Variants in THTPA observed in about 807,000 individuals in gnomAD.
THTPA encodes the protein thiamine-triphosphatase.
Under a neutral mutation model 16.5 loss-of-function variants are expected in THTPA, and 16 were observed. That is an observed-to-expected ratio of 0.97 (90% CI 0.66 to 1.47). THTPA has a LOEUF of 1.47. THTPA is among the 40% of genes most tolerant of loss of function. THTPA has a pLI of 0.00. For synonymous variants in THTPA, 110 were observed against 115.5 expected, an observed-to-expected ratio of 0.95 and a Z score of 0.30; for missense variants, 281 against 280.9, an observed-to-expected ratio of 1.00 and a Z score of 0.00.
At chr14:23,523,742 C>A in the THTPA span, 1 of 1,536,208 alleles carries the variant, frequency 6.5e-7, no homozygotes, top group Non-Finnish European at 8.7e-7. The surrounding 1 kb of genome is among the most constrained non-coding windows in gnomAD (Gnocchi z 4.1). Context: ...GGTCCTGTAG[C>A]GCCGCTGCCC....
At position 23,556,675 on chromosome 14, in the gene THTPA, T is replaced by G. The variant is rs1300084427; in HGVS notation, c.-83T>G. On this transcript the variant is annotated 5_prime_UTR_variant, in exon 1 of 2. Transcript: ENST00000288014. The stretch of plus-strand genomic sequence containing the variant: ...GTTTTTCCAGGGAGGGGTTCTGTAC[T>G]GAGTTGACGCCCCAGGAGCTGAGCA... The G allele has an allele frequency of 2.7e-6, 4 of 1,464,042 alleles. No individual in the cohort carries two copies. The African/African-American group carries it at 4.2e-5, about 15-fold the overall frequency. 90.7% of individuals were successfully genotyped at this position (1,464,042 alleles called of 1,614,324 possible).
At chr14:23,550,696 C>T in the THTPA span, among the ~76,000 whole-genome samples, 4 of 152,174 alleles carry the variant, frequency 2.6e-5, no homozygotes, top group South Asian at 8.3e-4. Context: ...GATGGGCGTG[C>T]AGGACAGACA....
In THTPA at chr14:23,559,646, G is replaced by T; in HGVS notation, c.*806G>T. 1 of 1,056,700 alleles carries T rather than the reference G, an allele frequency of 9.5e-7. No homozygotes were observed. Among genetic ancestry groups the T allele is most frequent in the Non-Finnish European group, 1.4e-6 (1 of 698,768 alleles). The allele number at this position is 1,056,700 out of a possible 1,614,324, so 65.5% of individuals were successfully genotyped here. A position where few individuals can be genotyped will look rare whatever the true frequency, so the allele number is the denominator to read the frequency against. On this transcript the variant is annotated 3_prime_UTR_variant, in exon 2 of 2. Coordinates refer to ENST00000288014, the MANE Select transcript of THTPA (RefSeq NM_024328.6). ...TGGTCCCCAGTTTTTGCAGTGCAAAGCCAGAGCGCCACCTGCTGGTAGCCC... is the reference window on the plus strand; with the variant it reads ...TGGTCCCCAGTTTTTGCAGTGCAAATCCAGAGCGCCACCTGCTGGTAGCCC...
At chr14:23,533,536 A>T in the THTPA span, 1 of 1,536,122 alleles carries the variant, frequency 6.5e-7, no homozygotes, top group Non-Finnish European at 8.7e-7. This position sits in a 1 kb window ranked among gnomAD's most constrained non-coding sequence, Gnocchi z 4.8. Flanking sequence ...CAGCATTAGG[A>T]CATTCTGCAT....
At chr14:23,533,626 G>A in the THTPA span, 3 of 1,536,912 alleles carry the variant, frequency 2.0e-6, no homozygotes, top group Non-Finnish European at 2.6e-6. This position sits in a 1 kb window ranked among gnomAD's most constrained non-coding sequence, Gnocchi z 4.8. Flanking sequence ...CTGCCAGGAT[G>A]ATTTGGTCTT....
chr14:23,540,046 G>A, the THTPA span, among the ~76,000 whole-genome samples: 1 of 152,202 alleles, frequency 6.6e-6, no homozygotes, highest in Non-Finnish European at 1.5e-5. Flanking sequence ...GGAGTGCAGT[G>A]TCACCATCTT....
the THTPA span, chr14:23,535,487 A>C: frequency 1.2e-6 from 1 of 818,386 alleles, no homozygotes; most frequent in South Asian, 5.1e-5. This position sits in a 1 kb window ranked among gnomAD's most constrained non-coding sequence, Gnocchi z 4.5. Context: ...AGACTCAGAC[A>C]CCACTTTGCT....
At chr14:23,523,724 C>T in the THTPA span, 3 of 1,536,396 alleles carry the variant, frequency 2.0e-6, no homozygotes, top group Admixed American at 3.9e-5. This position sits in a 1 kb window ranked among gnomAD's most constrained non-coding sequence, Gnocchi z 4.1. Context: ...CTGCAGGCTG[C>T]TCATCTGGGT....
chr14:23,555,133 A>C (rs1169955121), upstream of THTPA, among the ~76,000 whole-genome samples: 2 of 152,070 alleles, frequency 1.3e-5, no homozygotes, highest in Non-Finnish European at 1.5e-5. Flanking sequence ...GAACACAAGC[A>C]CGCGCCACCA....
At chr14:23,555,534 T>G (rs1403285630), upstream of THTPA, among the ~76,000 whole-genome samples, 1 of 152,174 alleles carries the variant, frequency 6.6e-6, no homozygotes, top group Non-Finnish European at 1.5e-5. Context: ...ATATCTTTAG[T>G]TCCTGGCCAA....
At position 23,556,734 on chromosome 14, in the gene THTPA, T is replaced by G; in HGVS notation, c.-24T>G. ...TGCATCCTTGGGAACTCAGCAAACG[T>G]TTGTTCAGCCAATTGCAGGTAGCAT... On this transcript the variant is annotated 5_prime_UTR_variant, in exon 1 of 2. Coordinates refer to ENST00000288014, the MANE Select transcript of THTPA (RefSeq NM_024328.6). 6.2e-7 allele frequency: 1 copy of G among 1,603,150 alleles called. No homozygotes were observed. Among genetic ancestry groups the G allele is most frequent in the Non-Finnish European group, 8.5e-7 (1 of 1,174,592 alleles).
chr14:23,533,155 G>A, the THTPA span: 2 of 1,457,248 alleles, frequency 1.4e-6, no homozygotes, highest in Non-Finnish European at 1.8e-6. This position sits in a 1 kb window ranked among gnomAD's most constrained non-coding sequence, Gnocchi z 4.8. Context: ...GTGGGGAGGT[G>A]GGTTAATGAG....
the THTPA span, among the ~76,000 whole-genome samples, chr14:23,538,909 A>G: frequency 6.6e-6 from 1 of 152,156 alleles, no homozygotes; most frequent in Non-Finnish European, 1.5e-5. Flanking sequence ...GACGGCAGAA[A>G]GAGTCAATAA....
chr14:23,543,845 A>C, the THTPA span: 2 of 152,174 alleles, frequency 1.3e-5, no homozygotes, highest in Non-Finnish European at 2.9e-5. Flanking sequence ...CCTGTCTCAA[A>C]AAACAAAAAA....
the THTPA span, chr14:23,543,983 G>C: frequency 1.3e-5 from 2 of 152,148 alleles, no homozygotes; most frequent in Non-Finnish European, 2.9e-5. Flanking sequence ...GGGCAGGCCG[G>C]GCACGCGCCT....
chr14:23,546,682 GGGT>G, the THTPA span, among the ~76,000 whole-genome samples: 1 of 152,188 alleles, frequency 6.6e-6, no homozygotes, highest in Non-Finnish European at 1.5e-5. This position sits in a 1 kb window ranked among gnomAD's most constrained non-coding sequence, Gnocchi z 4.7. Flanking sequence ...CTGGGAAAGT[GGGT>G]GGTGGGCTGA....
At chr14:23,535,436 G>A in the THTPA span, 1 of 1,325,196 alleles carries the variant, frequency 7.5e-7, no homozygotes, top group Non-Finnish European at 9.8e-7. This position sits in a 1 kb window ranked among gnomAD's most constrained non-coding sequence, Gnocchi z 4.5. Context: ...TGGGCAGCTG[G>A]ATCTCTGGAT....
the THTPA span, among the ~76,000 whole-genome samples, chr14:23,518,610 G>A: frequency 3.3e-5 from 5 of 152,162 alleles, no homozygotes; most frequent in Non-Finnish European, 7.4e-5. This position sits in a 1 kb window ranked among gnomAD's most constrained non-coding sequence, Gnocchi z 4.5. Flanking sequence ...TTTCACCACC[G>A]CCTCTTGGTC....
chr14:23,556,461 C>T lies in THTPA; in HGVS notation c.-297C>T. 2.7e-6 allele frequency: 1 copy of T among 371,862 alleles called. No homozygotes were observed. The highest frequency in any genetic ancestry group is 4.4e-5 in the South Asian group (1 of 22,912). 23.0% of individuals were successfully genotyped at this position (371,862 alleles called of 1,614,324 possible). A position where few individuals can be genotyped will look rare whatever the true frequency, so the allele number is the denominator to read the frequency against. On this transcript the variant is annotated 5_prime_UTR_variant, in exon 1 of 2. Transcript: ENST00000288014. ...TAGAGAGGGGGGCGTTGAAAGGACA[C>T]CCGCTACCCGGCCTGCTTTCTAGGG... is the stretch of plus-strand genomic sequence containing the variant.
Sources: allele counts gnomAD v4.1 joint callset (sites outside exome capture counted in the v4.1 genomes callset), GRCh38; gene constraint gnomAD v4.1.1; non-coding constraint Gnocchi (gnomAD v3.1); transcripts MANE v1.5; gene names NCBI Gene and HGNC (gene_info 2026-07-23, HGNC 2026-07-21).